Variants in PLEKHA1 observed in about 807,000 individuals in gnomAD.
PLEKHA1 encodes pleckstrin homology domain-containing family A member 1.
In PLEKHA1, 34 loss-of-function variants were observed where a neutral mutation model predicts 52.0. The ratio of observed to expected loss-of-function variants is 0.65; its 90% confidence interval spans 0.50 to 0.87. PLEKHA1 has a LOEUF of 0.87. Among genes scored for constraint, PLEKHA1 ranks in the 40% least tolerant of loss-of-function variants. The probability of loss-of-function intolerance (pLI) is 0.00; values close to 1 mark genes in which losing one functional copy is unlikely to be tolerated. For missense variants in PLEKHA1, 497 were observed against 504.2 expected (o/e 0.99, Z 0.14); for synonymous variants, 163 against 170.7 (o/e 0.95, Z 0.35).
chr10:122,426,878 T>C, intron 10 of PLEKHA1, 64 bp from the exon 11 acceptor site: 1 of 1,305,658 alleles, frequency 7.7e-7, no homozygotes, highest in Non-Finnish European at 1.1e-6. Flanking sequence ...AATAAATACA[T>C]TGGCTGTATA....
chr10:122,375,168 C>T (rs1273442675), intron 1 of PLEKHA1, among the ~76,000 whole-genome samples: 1 of 151,950 alleles, frequency 6.6e-6, no homozygotes, highest in Admixed American at 6.6e-5. Context: ...GTCGCGGGGC[C>T]GACGAGCTCC....
chr10:122,413,391 C>T (rs1034838482), intron 6 of PLEKHA1, among the ~76,000 whole-genome samples: 2 of 151,952 alleles, frequency 1.3e-5, no homozygotes, highest in Non-Finnish European at 2.9e-5. Context: ...CATAGTAGTT[C>T]TTCCATGGAT....
intron 8 of PLEKHA1, chr10:122,420,449 C>G (rs2097243522): frequency 1.3e-5 from 2 of 152,092 alleles, no homozygotes; most frequent in Non-Finnish European, 2.9e-5. Context: ...ACACATGGCT[C>G]AGCTTGTCTT....
At chr10:122,411,685 A>G (rs1468002653) in intron 5 of PLEKHA1, 1 of 152,196 alleles carries the variant, frequency 6.6e-6, no homozygotes, top group African/African-American at 2.4e-5. Flanking sequence ...TTCCTGGGTG[A>G]TACTTTATGC....
intron 6 of PLEKHA1, among the ~76,000 whole-genome samples, chr10:122,413,753 G>A (rs1248457583): frequency 6.6e-6 from 1 of 152,020 alleles, no homozygotes; most frequent in Admixed American, 6.6e-5. Context: ...TATTGAAAAG[G>A]ATGAATTTGT....
rs888829324 is a variant in PLEKHA1, at chr10:122,378,994, T to C, written c.-21+4188T>C. On this transcript the variant is annotated intron_variant, in intron 1 of 11. Coordinates refer to ENST00000368990, the MANE Select transcript of PLEKHA1 (RefSeq NM_001001974.4). Reference sequence around the variant, plus strand: ...AGAGAAGTAGAAAAAGACAAGTGTTTGTTATCTGGTGCTATTAGAGTCCTC... The same window carrying C: ...AGAGAAGTAGAAAAAGACAAGTGTTCGTTATCTGGTGCTATTAGAGTCCTC... 2.0e-5 allele frequency among the ~76,000 whole-genome samples: 3 copies of C among 152,270 alleles called. No individual in the cohort carries two copies. In the South Asian group the frequency reaches 6.2e-4, roughly 32 times the overall value.
rs114185678 is a variant in PLEKHA1 at position 122,425,266 on chromosome 10, A to G, written c.810+307A>G. Reference sequence around the variant, plus strand: ...TTTTTGCACATGTTTTAGAATTTTGATTTTTCTATTATATCATTTTTTGGT... The same window carrying G: ...TTTTTGCACATGTTTTAGAATTTTGGTTTTTCTATTATATCATTTTTTGGT... On this transcript the variant is annotated intron_variant, in intron 10 of 11. Transcript: ENST00000368990. 2.8e-3 allele frequency: 602 copies of G among 213,850 alleles called. 4 individuals are homozygous for G. Among genetic ancestry groups the G allele is most frequent in the African/African-American group, 0.012 (545 of 43,902 alleles). 13.2% of individuals were successfully genotyped at this position (213,850 alleles called of 1,614,324 possible). A position where few individuals can be genotyped will look rare whatever the true frequency, so the allele number is the denominator to read the frequency against.
At chr10:122,436,707 C>T (rs181976029), downstream of PLEKHA1, 1 of 145,438 alleles carries the variant, frequency 6.9e-6, no homozygotes, top group Non-Finnish European at 1.5e-5. Context: ...CTGAGATGGC[C>T]CATGGGTGAT....
At chr10:122,433,812 T>A (rs2097428714), downstream of PLEKHA1, 1 of 152,248 alleles carries the variant, frequency 6.6e-6, no homozygotes, top group African/African-American at 2.4e-5. Context: ...GATACCCCTT[T>A]ATTGCAGCAT....
intron 1 of PLEKHA1, among the ~76,000 whole-genome samples, chr10:122,379,221 C>T (rs972014867): frequency 3.3e-5 from 5 of 152,114 alleles, no homozygotes; most frequent in Non-Finnish European, 7.4e-5. Context: ...GTGTGTGAGT[C>T]GGGGTGGAGA....
chr10:122,425,164 T>G (rs1348551079), intron 10 of PLEKHA1: 1 of 387,154 alleles, frequency 2.6e-6, no homozygotes, highest in Admixed American at 4.5e-5. Flanking sequence ...TATGAATTAG[T>G]GAACTAGAAC....
At chr10:122,427,107 T>G in intron 11 of PLEKHA1, 76 bp downstream of exon 11, 1 of 1,335,370 alleles carries the variant, frequency 7.5e-7, no homozygotes, top group Non-Finnish European at 1.0e-6. Flanking sequence ...TCCCAATCCA[T>G]CCGGTTTCTT....
In PLEKHA1 at chr10:122,417,981, G is replaced by A. The variant is rs201572969; in HGVS notation, c.681+13G>A. On this transcript the variant is annotated intron_variant, in intron 8 of 11. Transcript: ENST00000368990. ...CAAATCTGAACTGGTATGTTGTTACGTCATAAATGTTGCTATAAGAATGTT... is the reference window on the plus strand; with the variant it reads ...CAAATCTGAACTGGTATGTTGTTACATCATAAATGTTGCTATAAGAATGTT... 20 of 1,587,736 alleles carry A rather than the reference G, an allele frequency of 1.3e-5. 1 individual carries two copies. Among genetic ancestry groups the A allele is most frequent in the Middle Eastern group, 1.7e-4 (1 of 6,002 alleles).
At chr10:122,384,641 T>C (rs1297865913) in intron 1 of PLEKHA1, among the ~76,000 whole-genome samples, 1 of 149,688 alleles carries the variant, frequency 6.7e-6, no homozygotes, top group East Asian at 2.0e-4. Context: ...CTTGTAGTCA[T>C]TTATAAATGA....
rs114266251 is a variant in PLEKHA1 at position 122,382,734 on chromosome 10, A to T, written c.-21+7928A>T. Among the ~76,000 whole-genome samples the T allele has an allele frequency of 3.6e-3, 547 of 152,204 alleles. 6 individuals carry two copies. The highest frequency in any genetic ancestry group is 0.012 in the African/African-American group (486 of 41,524). ...GTTTGTTCTTTTGTTTTTTGTTTGT[A>T]CCTCTTTTCTCTCACTGTGAAAGTC... On this transcript the variant is annotated intron_variant, in intron 1 of 11. Coordinates refer to ENST00000368990, the MANE Select transcript of PLEKHA1 (RefSeq NM_001001974.4).
At chr10:122,403,239 A>ACT (rs1192486898) in intron 4 of PLEKHA1, among the ~76,000 whole-genome samples, 3 of 152,246 alleles carry the variant, frequency 2.0e-5, no homozygotes, top group Non-Finnish European at 4.4e-5. Context: ...GAAAAGAGAT[A>ACT]AAAACCATCA....
intron 1 of PLEKHA1, among the ~76,000 whole-genome samples, chr10:122,380,194 C>T (rs2096595108): frequency 6.6e-6 from 1 of 152,160 alleles, no homozygotes; most frequent in African/African-American, 2.4e-5. Flanking sequence ...TAACGTTAAT[C>T]TTTGATGCAG....
chr10:122,425,082 C>A, intron 10 of PLEKHA1, 123 bp downstream of exon 10: 2 of 793,720 alleles, frequency 2.5e-6, no homozygotes, highest in Non-Finnish European at 3.9e-6. Context: ...CTGTAATTCA[C>A]CAGCTTAATA....
chr10:122,427,728 T>C (rs1395814642), intron 11 of PLEKHA1, among the ~76,000 whole-genome samples: 1 of 152,148 alleles, frequency 6.6e-6, no homozygotes, highest in Non-Finnish European at 1.5e-5. Flanking sequence ...AGATTTGCAT[T>C]TGGAATACTT....
Sources: allele counts gnomAD v4.1 joint callset (sites outside exome capture counted in the v4.1 genomes callset), GRCh38; gene constraint gnomAD v4.1.1; transcripts MANE v1.5; gene names NCBI Gene and HGNC (gene_info 2026-07-23, HGNC 2026-07-21).